ASIC5: variants seen among roughly 807,000 people sequenced by gnomAD.
ASIC5 encodes bile acid-sensitive ion channel.
Under a neutral mutation model 51.2 loss-of-function variants are expected in ASIC5, and 52 were observed. The ratio of observed to expected loss-of-function variants is 1.02; its 90% CI spans 0.81 to 1.28. The LOEUF is 1.28. Ranked by LOEUF, ASIC5 falls within the 50% of genes most tolerant of loss-of-function variation. The probability of loss-of-function intolerance (pLI) is 0.00; values close to 1 mark genes in which losing one functional copy is unlikely to be tolerated. For missense variants in ASIC5, 635 were observed against 595.0 expected, an observed-to-expected ratio of 1.07 and a Z score of -0.70; for synonymous variants, 231 against 200.7, an observed-to-expected ratio of 1.15 and a Z score of -1.28.
At chr4:155,843,851 T>C (rs540653054) in intron 4 of ASIC5, 21 bp from the exon 5 acceptor site, 1 of 1,612,742 alleles carries the variant, frequency 6.2e-7, no homozygotes, top group East Asian at 2.2e-5. Flanking sequence ...AATATGTTTT[T>C]GCCCAAATTG....
chr4:155,846,935 A>C (rs1440433842), intron 4 of ASIC5, among the ~76,000 whole-genome samples: 3 of 152,110 alleles, frequency 2.0e-5, no homozygotes, highest in Non-Finnish European at 4.4e-5. Context: ...TATGTATAAA[A>C]CAAGGTAAGA....
rs188923860 is a variant in ASIC5 at position 155,845,764 on chromosome 4, C to T, written c.712-1934G>A. 2.0e-5 allele frequency among the ~76,000 whole-genome samples: 3 copies of T among 152,016 alleles called. No individual in the cohort carries two copies. In the East Asian group the frequency reaches 5.8e-4, roughly 30 times the overall value. ...GCTCAAAGAAAAATAAAAGCATCTC[C>T]CTCTAGCACCAACAGACTTTTTCTC... On this transcript the variant is annotated intron_variant, in intron 4 of 9. Coordinates refer to ENST00000537611, the MANE Select transcript of ASIC5 (RefSeq NM_017419.3).
chr4:155,840,270 A>G (rs1741087087), intron 6 of ASIC5, among the ~76,000 whole-genome samples: 1 of 151,978 alleles, frequency 6.6e-6, no homozygotes, highest in African/African-American at 2.4e-5. Context: ...AATCAGAGCC[A>G]GAGCCAGCAG....
chr4:155,848,166 T>A (rs55908075), intron 4 of ASIC5, among the ~76,000 whole-genome samples: 10,703 of 151,528 alleles, frequency 0.071, 973 homozygotes, highest in African/African-American at 0.21. Context: ...TTTCTTTTTT[T>A]AAAAAAAAAT....
At chr4:155,844,746 C>T (rs927054425) in intron 4 of ASIC5, among the ~76,000 whole-genome samples, 3 of 152,032 alleles carry the variant, frequency 2.0e-5, no homozygotes, top group African/African-American at 4.8e-5. Context: ...TTGGGGCATT[C>T]TCATGTGACT....
intron 4 of ASIC5, among the ~76,000 whole-genome samples, chr4:155,844,211 T>C (rs1023115519): frequency 6.6e-6 from 1 of 151,964 alleles, no homozygotes; most frequent in African/African-American, 2.4e-5. Context: ...CCCAAACCAA[T>C]AGGACGATTG....
intron 7 of ASIC5, among the ~76,000 whole-genome samples, chr4:155,837,944 A>T (rs1168258206): frequency 6.6e-6 from 1 of 152,110 alleles, no homozygotes; most frequent in Non-Finnish European, 1.5e-5. Context: ...CCAGCCTCCA[A>T]CAAGGATAAG....
chr4:155,834,023 T>A (rs1740926016), intron 8 of ASIC5, among the ~76,000 whole-genome samples: 2 of 152,246 alleles, frequency 1.3e-5, no homozygotes, highest in South Asian at 4.1e-4. Flanking sequence ...GGGAATGAAT[T>A]AATTTGGCAT....
intron 5 of ASIC5, among the ~76,000 whole-genome samples, chr4:155,843,255 A>G (rs1741161572): frequency 6.6e-6 from 1 of 152,068 alleles, no homozygotes; most frequent in South Asian, 2.1e-4. Context: ...TTGTGCAGAG[A>G]GGAGATGCAA....
intron 1 of ASIC5, 75 bp downstream of exon 1, chr4:155,866,112 A>C: frequency 2.2e-6 from 2 of 923,018 alleles, no homozygotes; most frequent in Non-Finnish European, 3.3e-6. Flanking sequence ...TGAAGAAAAA[A>C]AATCTCTCTT....
chr4:155,864,213 G>A (rs1741799395), intron 1 of ASIC5, among the ~76,000 whole-genome samples: 1 of 152,084 alleles, frequency 6.6e-6, no homozygotes, highest in South Asian at 2.1e-4. Flanking sequence ...GTCCTATGGT[G>A]GTATAATTTA....
At chr4:155,860,974 G>A (rs554380128) in intron 2 of ASIC5, among the ~76,000 whole-genome samples, 51 of 151,824 alleles carry the variant, frequency 3.4e-4, no homozygotes, top group African/African-American at 1.1e-3. Context: ...TCATCTCAAA[G>A]TATTTTCTAT....
intron 6 of ASIC5, among the ~76,000 whole-genome samples, chr4:155,840,918 G>A (rs74549579): frequency 0.079 from 12,044 of 151,682 alleles, 569 homozygotes; most frequent in Admixed American, 0.14. Flanking sequence ...TGGCCCATCT[G>A]GTTTTGTGAC....
chr4:155,857,008 A>G (rs889917998), intron 2 of ASIC5, among the ~76,000 whole-genome samples: 1 of 152,216 alleles, frequency 6.6e-6, no homozygotes, highest in East Asian at 1.9e-4. Flanking sequence ...AGTAATTTAT[A>G]TAGATTAATT....
intron 9 of ASIC5, 126 bp downstream of exon 9, chr4:155,831,698 T>G (rs1740873207): frequency 1.8e-6 from 1 of 546,570 alleles, no homozygotes; most frequent in South Asian, 2.3e-5. Context: ...GTGAACCCCC[T>G]GGGAAGCGGA....
At chr4:155,832,328 C>T (rs1047456231) in intron 8 of ASIC5, among the ~76,000 whole-genome samples, 1 of 152,004 alleles carries the variant, frequency 6.6e-6, no homozygotes, top group Non-Finnish European at 1.5e-5. Flanking sequence ...GAGCTGAGCT[C>T]ACAGAGTTGC....
chr4:155,835,528 A>G (rs1740959464), intron 8 of ASIC5, among the ~76,000 whole-genome samples: 1 of 152,056 alleles, frequency 6.6e-6, no homozygotes, highest in African/African-American at 2.4e-5. Context: ...TTCTCTGTAT[A>G]TTAAGTAATT....
At chr4:155,834,472 T>G (rs764641399) in intron 8 of ASIC5, among the ~76,000 whole-genome samples, 6 of 152,084 alleles carry the variant, frequency 3.9e-5, no homozygotes, top group Non-Finnish European at 8.8e-5. Flanking sequence ...TGTGTGGGAG[T>G]TGAACAACCC....
At position 155,838,845 on chromosome 4, in the gene ASIC5, T is replaced by C. The variant is rs761208813; in HGVS notation, c.1034A>G (p.Gln345Arg). 2.5e-6 allele frequency: 4 copies of C among 1,585,254 alleles called. No individual in the cohort carries two copies. Among genetic ancestry groups the C allele is most frequent in the Non-Finnish European group, 3.5e-6 (4 of 1,155,558 alleles). Residue 345 changes from glutamine to arginine, a missense_variant, in exon 7 of 10, where the codon CAA becomes CGA. By Grantham distance (43) the Gln-to-Arg change is conservative. Transcript: ENST00000537611. Reference sequence around the variant, plus strand: ...AGGAGAAACACAGCTGAAGTACTTTTGTAGGTCACATTCTATCCCATATCC... The same window carrying C: ...AGGAGAAACACAGCTGAAGTACTTTCGTAGGTCACATTCTATCCCATATCC... ...LPGYGIECDL[Q>R]KYFSCVSPVL...
Sources: allele counts gnomAD v4.1 joint callset (sites outside exome capture counted in the v4.1 genomes callset), GRCh38; gene constraint gnomAD v4.1.1; transcripts MANE v1.5; gene names NCBI Gene and HGNC (gene_info 2026-07-23, HGNC 2026-07-21).